The following COL4A2 variants were observed in gnomAD, a reference collection of about 807,000 sequenced individuals.
COL4A2 encodes collagen type IV alpha 2 chain, also known as collagen alpha-2(IV) chain.
COL4A2 carries 99 observed loss-of-function variants against 200.2 expected under a neutral mutation model. The ratio of observed to expected loss-of-function variants is 0.49; its 90% CI spans 0.42 to 0.58. The LOEUF is 0.58. COL4A2 is among the 20% of genes least tolerant of loss of function. COL4A2 has a pLI of 0.00. For synonymous variants in COL4A2, 897 were observed against 900.6 expected, an observed-to-expected ratio of 1.00 and a Z score of 0.07; for missense variants, 1,950 against 2,314.1, an observed-to-expected ratio of 0.84 and a Z score of 3.23.
chr13:110,493,079 ATG>A lies in COL4A2; in HGVS notation c.3563-131_3563-130del. On this transcript the variant is annotated intron_variant, in intron 38 of 47. Coordinates refer to ENST00000360467, the MANE Select transcript of COL4A2 (RefSeq NM_001846.4). ...TGAAATAACGATGAGTGACACCCCC[ATG>A]GGTGAAATAACGATGAGTGACACCC... 1.1e-4 allele frequency: 92 copies of A among 860,490 alleles called. 1 individual carries two copies. Among genetic ancestry groups the A allele is most frequent in the South Asian group, 1.4e-4 (10 of 70,938 alleles). The allele number at this position is 860,490 out of a possible 1,614,324, so 53.3% of individuals were successfully genotyped here.
intron 3 of COL4A2, among the ~76,000 whole-genome samples, chr13:110,346,850 C>T (rs1470331544): frequency 1.3e-5 from 2 of 152,342 alleles, no homozygotes; most frequent in East Asian, 3.9e-4. Context: ...GGGCTCAGCT[C>T]CTCCCGGGGT....
Position 110,506,437 on chromosome 13 carries a change from C to T in COL4A2, c.4425C>T (p.Ser1475=), listed in dbSNP as rs1411888804. The T allele has an allele frequency of 1.2e-6, 2 of 1,611,798 alleles. No homozygotes were observed. The highest frequency in any genetic ancestry group is 2.7e-5 in the African/African-American group (2 of 74,918). The change falls in exon 46 of 48, where the codon AGC becomes AGT. Residue 1475 remains serine (S), a synonymous_variant. Coordinates refer to ENST00000360467, the MANE Select transcript of COL4A2 (RefSeq NM_001846.4). ...CAGGTGCACCAGGCCGTCCAGGGAG[C>T]CCGGGCCTGCCGGGTATGCCAGGCC... is the stretch of plus-strand genomic sequence containing the variant. The part of the protein sequence containing the change: ...GQEGAPGRPG[S]PGLPGMPGRS...
intron 12 of COL4A2, 48 bp from the exon 13 acceptor site, chr13:110,436,221 A>G: frequency 6.2e-7 from 1 of 1,612,108 alleles, no homozygotes; most frequent in Non-Finnish European, 8.5e-7. Flanking sequence ...CGAGTTTTGT[A>G]GTTTCCTTTC....
At chr13:110,315,187 A>G (rs1319149541) in intron 3 of COL4A2, among the ~76,000 whole-genome samples, 1 of 151,862 alleles carries the variant, frequency 6.6e-6, no homozygotes, top group Non-Finnish European at 1.5e-5. Flanking sequence ...GTCCCTTTCT[A>G]TCAGGTGACC....
chr13:110,487,248 TC>T (rs1318988891), intron 34 of COL4A2, among the ~76,000 whole-genome samples: 1 of 152,178 alleles, frequency 6.6e-6, no homozygotes, highest in Non-Finnish European at 1.5e-5. Context: ...GGTCAGGAGA[TC>T]GAGACTAGCC....
Position 110,472,990 on chromosome 13 carries a change from A to G in COL4A2, c.2265A>G (p.Pro755=), listed in dbSNP as rs775821761. 2.4e-5 allele frequency: 37 copies of G among 1,538,296 alleles called. No homozygotes were observed. The highest frequency in any genetic ancestry group is 3.1e-5 in the Non-Finnish European group (35 of 1,143,568). The change falls in exon 29 of 48, where the codon CCA becomes CCG. Residue 755 remains proline (P), a synonymous_variant. Coordinates refer to ENST00000360467, the MANE Select transcript of COL4A2 (RefSeq NM_001846.4). The stretch of plus-strand genomic sequence containing the variant: ...GCCTCCCTGGCCCAGATGGATCCCC[A>G]GGTCCCATCGGCCTGCCAGGGCCAG... ...AVGLPGPDGS[P]GPIGLPGPDG...
chr13:110,498,929 C>T (rs1438920089), intron 40 of COL4A2, among the ~76,000 whole-genome samples: 2 of 152,212 alleles, frequency 1.3e-5, no homozygotes, highest in African/African-American at 2.4e-5. Flanking sequence ...GCCATGCCCC[C>T]ACCCTCGACC....
At chr13:110,339,951 C>T (rs1000579718) in intron 3 of COL4A2, among the ~76,000 whole-genome samples, 3 of 152,156 alleles carry the variant, frequency 2.0e-5, no homozygotes, top group African/African-American at 7.2e-5. Context: ...ACACTGTTTA[C>T]ACTGATTGGA....
At chr13:110,363,714 T>G (rs1331548956) in intron 4 of COL4A2, among the ~76,000 whole-genome samples, 1 of 152,206 alleles carries the variant, frequency 6.6e-6, no homozygotes, top group African/African-American at 2.4e-5. Flanking sequence ...CAAAGGCATC[T>G]TCTATTGTGT....
intron 6 of COL4A2, among the ~76,000 whole-genome samples, chr13:110,427,701 C>T (rs115552889): frequency 2.6e-5 from 4 of 152,332 alleles, no homozygotes; most frequent in African/African-American, 9.6e-5. Context: ...CTCCTGGAAC[C>T]AGCTTAATGC....
At chr13:110,364,362 G>A (rs1047841021) in intron 4 of COL4A2, among the ~76,000 whole-genome samples, 5 of 152,202 alleles carry the variant, frequency 3.3e-5, no homozygotes, top group Middle Eastern at 3.2e-3. Flanking sequence ...TTTTCTGTGG[G>A]TGAGCTCCAA....
Position 110,362,080 on chromosome 13 carries a change from T to C in COL4A2, c.180+4528T>C, listed in dbSNP as rs534005803. On this transcript the variant is annotated intron_variant, in intron 4 of 47. Coordinates refer to ENST00000360467, the MANE Select transcript of COL4A2 (RefSeq NM_001846.4). ...ATGTCAGCCTAGAAGAGTGAGGCTCTCCGGGATGCAGGGAAGAACATAGGC... is the reference window on the plus strand; with the variant it reads ...ATGTCAGCCTAGAAGAGTGAGGCTCCCCGGGATGCAGGGAAGAACATAGGC... 8.5e-5 allele frequency among the ~76,000 whole-genome samples: 13 copies of C among 152,224 alleles called. No individual in the cohort carries two copies. The South Asian group carries it at 1.7e-3, about 19-fold the overall frequency.
chr13:110,439,456 C>A (rs1566533906), intron 15 of COL4A2, among the ~76,000 whole-genome samples: 3 of 152,128 alleles, frequency 2.0e-5, no homozygotes, highest in Admixed American at 1.3e-4. Flanking sequence ...GATGTGTCTC[C>A]CTCAGGAAAT....
chr13:110,501,853 G>A, intron 41 of COL4A2, 69 bp downstream of exon 41: 1 of 1,450,076 alleles, frequency 6.9e-7, no homozygotes, highest in South Asian at 1.2e-5. Flanking sequence ...CCCGCTTAAT[G>A]TAGGGGGAGA....
intron 4 of COL4A2, among the ~76,000 whole-genome samples, chr13:110,396,869 G>A (rs3934267): frequency 0.94 from 142,719 of 152,272 alleles, 67,592 homozygotes; most frequent in East Asian, 1. Context: ...ACTGTTGAAC[G>A]TGTCAGATGG....
At chr13:110,497,946 C>T (rs113162835) in intron 40 of COL4A2, among the ~76,000 whole-genome samples, 3 of 117,124 alleles carry the variant, frequency 2.6e-5, no homozygotes, top group Non-Finnish European at 3.6e-5. Flanking sequence ...TCCACCAGCA[C>T]AGCCTCAGTC....
intron 3 of COL4A2, among the ~76,000 whole-genome samples, chr13:110,356,060 G>A (rs889797250): frequency 6.7e-6 from 1 of 149,138 alleles, no homozygotes; most frequent in Non-Finnish European, 1.5e-5. Context: ...ATACTGTCAC[G>A]ATTTGAAAGG....
chr13:110,503,360 C>T, intron 42 of COL4A2, 23 bp from the exon 43 acceptor site: 1 of 1,594,046 alleles, frequency 6.3e-7, no homozygotes, highest in Non-Finnish European at 8.5e-7. Flanking sequence ...TTTCGTGTCC[C>T]TAACGTCTTG....
intron 27 of COL4A2, chr13:110,468,354 C>T (rs1882334271): frequency 2.1e-6 from 1 of 470,812 alleles, no homozygotes; most frequent in Non-Finnish European, 4.4e-6. Context: ...CACCGTCACT[C>T]ATACAGCAAC....
Sources: allele counts gnomAD v4.1 joint callset (sites outside exome capture counted in the v4.1 genomes callset), GRCh38; gene constraint gnomAD v4.1.1; transcripts MANE v1.5; gene names NCBI Gene and HGNC (gene_info 2026-07-23, HGNC 2026-07-21).